The following ZFP36L1 variants were observed in gnomAD, a reference collection of about 807,000 sequenced individuals.
ZFP36L1 encodes the protein ZFP36 like 1 zinc finger CCCH-type.
A neutral mutation model predicts 16.7 loss-of-function variants in ZFP36L1; 4 were observed. That is an observed-to-expected ratio of 0.24 (90% CI 0.12 to 0.55). The LOEUF (loss-of-function observed/expected upper bound fraction) is 0.55, where lower values mean the gene tolerates loss of function less well. ZFP36L1 is among the 20% of genes least tolerant of loss of function. The probability of loss-of-function intolerance (pLI) is 0.94; values close to 1 mark genes in which losing one functional copy is unlikely to be tolerated. For missense variants in ZFP36L1, 311 were observed against 449.2 expected, an observed-to-expected ratio of 0.69 and a Z score of 2.78; for synonymous variants, 220 against 190.8, an observed-to-expected ratio of 1.15 and a Z score of -1.26.
At chr14:68,792,184 T>C (rs1337144718) in intron 1 of ZFP36L1, among the ~76,000 whole-genome samples, 6 of 146,034 alleles carry the variant, frequency 4.1e-5, no homozygotes, top group East Asian at 4.0e-4. Flanking sequence ...TGTCGCCACC[T>C]CCCCCCCCAA....
At position 68,789,896 on chromosome 14, in the gene ZFP36L1, C is replaced by T; in HGVS notation, c.654G>A (p.Gly218=). 2 of 1,610,062 alleles carry T rather than the reference C, an allele frequency of 1.2e-6. No homozygotes were observed. Among genetic ancestry groups the T allele is most frequent in the East Asian group, 2.2e-5 (1 of 44,862 alleles). Residue 218 remains glycine, a synonymous_variant, in exon 2 of 2, where the codon GGG becomes GGA. Coordinates refer to ENST00000439696, the MANE Select transcript of ZFP36L1 (RefSeq NM_004926.4). This position sits in a 1 kb window ranked among gnomAD's most constrained non-coding sequence, Gnocchi z 4.5. ...PSAAATAAAT[G]LLDSPTSITP... ...TGATGGACGTGGGGCTGTCCAGCAG[C>T]CCGGTGGCAGCGGCGGTGGCAGCGG...
Position 68,789,497 on chromosome 14 carries a change from G to A in ZFP36L1, c.*36C>T. On this transcript the variant is annotated 3_prime_UTR_variant, in exon 2 of 2. Coordinates refer to ENST00000439696, the MANE Select transcript of ZFP36L1 (RefSeq NM_004926.4). This position sits in a 1 kb window ranked among gnomAD's most constrained non-coding sequence, Gnocchi z 4.5. Reference sequence around the variant, plus strand: ...GTATGGGATGTGGGTGCAGGGTAGGGGCTGGAGTAGGCAGGAGGTCCCTCC... The same window carrying A: ...GTATGGGATGTGGGTGCAGGGTAGGAGCTGGAGTAGGCAGGAGGTCCCTCC... 1 of 1,611,896 alleles carries A rather than the reference G, an allele frequency of 6.2e-7. No individual in the cohort carries two copies. The highest frequency in any genetic ancestry group is 1.1e-5 in the South Asian group (1 of 90,870).
chr14:68,793,008 A>C lies in ZFP36L1; in HGVS notation c.-70T>G. The C allele has an allele frequency of 6.2e-7, 1 of 1,608,092 alleles. No individual in the cohort carries two copies. Among genetic ancestry groups the C allele is most frequent in the Non-Finnish European group, 8.5e-7 (1 of 1,178,750 alleles). ...GAAGGTCCCGGTGCGGGGAAGGCGC[A>C]GCCTCTCCTGTCTGGAGTCCCACAC... On this transcript the variant is annotated 5_prime_UTR_variant, in exon 1 of 2. Coordinates refer to ENST00000439696, the MANE Select transcript of ZFP36L1 (RefSeq NM_004926.4).
At position 68,788,654 on chromosome 14, in the gene ZFP36L1, A is replaced by C. The variant is rs1296932957; in HGVS notation, c.*879T>G. 2.0e-5 allele frequency: 3 copies of C among 151,506 alleles called. No individual in the cohort carries two copies. Among genetic ancestry groups the C allele is most frequent in the Non-Finnish European group, 4.4e-5 (3 of 67,902 alleles). 9.4% of individuals were successfully genotyped at this position (151,506 alleles called of 1,614,324 possible). On this transcript the variant is annotated 3_prime_UTR_variant, in exon 2 of 2. Coordinates refer to ENST00000439696, the MANE Select transcript of ZFP36L1 (RefSeq NM_004926.4). ...TTGTTATTTTTTTTAAAAAGATGTCACATATGAACTGGGGAACTTTAGCAC... is the reference window on the plus strand; with the variant it reads ...TTGTTATTTTTTTTAAAAAGATGTCCCATATGAACTGGGGAACTTTAGCAC...
At chr14:68,794,034 A>C, upstream of ZFP36L1, 2 of 718,048 alleles carry the variant, frequency 2.8e-6, no homozygotes, top group Non-Finnish European at 3.4e-6. Context: ...CTTTTTAGTC[A>C]AGAAAACCCT....
intron 1 of ZFP36L1, among the ~76,000 whole-genome samples, chr14:68,792,581 A>AAACTTGTCCCAATCCC: frequency 6.6e-6 from 1 of 152,068 alleles, no homozygotes; most frequent in African/African-American, 2.4e-5. Context: ...GGATCGCCCA[A>AAACTTGTCCCAATCCC]AACTTGTCCC....
chr14:68,789,398 G>C lies in ZFP36L1; in HGVS notation c.*135C>G. The C allele has an allele frequency of 7.4e-7, 1 of 1,343,588 alleles. No individual in the cohort carries two copies. Among genetic ancestry groups the C allele is most frequent in the Non-Finnish European group, 1.0e-6 (1 of 980,272 alleles). 83.2% of individuals were successfully genotyped at this position (1,343,588 alleles called of 1,614,324 possible). On this transcript the variant is annotated 3_prime_UTR_variant, in exon 2 of 2. Transcript: ENST00000439696. The surrounding 1 kb of genome is among the most constrained non-coding windows in gnomAD (Gnocchi z 4.5). The stretch of plus-strand genomic sequence containing the variant: ...GGAGAGGGAGGGCACATTCTGAGGT[G>C]CTGGGGGAAAGGGGTTGAGCTTAAC...
At chr14:68,794,337 A>G (rs1327355716), upstream of ZFP36L1, 1 of 152,234 alleles carries the variant, frequency 6.6e-6, no homozygotes, top group African/African-American at 2.4e-5. Flanking sequence ...AGAGGGGGAC[A>G]TGGGAGCCAC....
At chr14:68,791,803 T>A (rs1895078284) in intron 1 of ZFP36L1, among the ~76,000 whole-genome samples, 1 of 152,240 alleles carries the variant, frequency 6.6e-6, no homozygotes, top group African/African-American at 2.4e-5. Context: ...AATTCAAACT[T>A]TTTAAATGCT....
At chr14:68,793,761 T>G (rs571284333), upstream of ZFP36L1, 17 of 985,228 alleles carry the variant, frequency 1.7e-5, no homozygotes, top group Admixed American at 7.4e-4. Context: ...TATGTTGCTG[T>G]TTTTTTTCCA....
chr14:68,794,969 C>T (rs973437246), upstream of ZFP36L1, among the ~76,000 whole-genome samples: 7 of 152,234 alleles, frequency 4.6e-5, no homozygotes, highest in Non-Finnish European at 2.9e-5. Flanking sequence ...GCTTGTTCTG[C>T]TGCTGCCCTC....
At chr14:68,795,698 C>G, upstream of ZFP36L1, 2 of 490,068 alleles carry the variant, frequency 4.1e-6, no homozygotes, top group Non-Finnish European at 8.4e-6. Context: ...CGCTCGCTCC[C>G]GAGTTGTTTA....
chr14:68,789,483 G>A lies in ZFP36L1; in HGVS notation c.*50C>T, dbSNP rs1457777722. 1.9e-6 allele frequency: 3 copies of A among 1,610,046 alleles called. No individual in the cohort carries two copies. The highest frequency in any genetic ancestry group is 3.3e-5 in the Admixed American group (2 of 59,806). ...GTAGGGAGAAGAGGGTATGGGATGT[G>A]GGTGCAGGGTAGGGGCTGGAGTAGG... is the stretch of plus-strand genomic sequence containing the variant. On this transcript the variant is annotated 3_prime_UTR_variant, in exon 2 of 2. Coordinates refer to ENST00000439696, the MANE Select transcript of ZFP36L1 (RefSeq NM_004926.4). The surrounding 1 kb of genome is among the most constrained non-coding windows in gnomAD (Gnocchi z 4.5).
chr14:68,793,383 G>A, upstream of ZFP36L1: 1 of 1,004,640 alleles, frequency 1.0e-6, no homozygotes. Flanking sequence ...GGCGCTTCAG[G>A]CGCCCCCTCT....
upstream of ZFP36L1, among the ~76,000 whole-genome samples, chr14:68,795,181 G>A (rs1157289016): frequency 2.0e-5 from 3 of 152,234 alleles, no homozygotes; most frequent in African/African-American, 4.8e-5. Flanking sequence ...GTTTCTTGGT[G>A]ATGAGGTAAT....
Position 68,793,004 on chromosome 14 carries a change from G to T in ZFP36L1, c.-66C>A. 6.2e-7 allele frequency: 1 copy of T among 1,609,430 alleles called. No individual in the cohort carries two copies. The highest frequency in any genetic ancestry group is 1.1e-5 in the South Asian group (1 of 91,002). On this transcript the variant is annotated 5_prime_UTR_variant, in exon 1 of 2. Coordinates refer to ENST00000439696, the MANE Select transcript of ZFP36L1 (RefSeq NM_004926.4). ...TCGCGAAGGTCCCGGTGCGGGGAAGGCGCAGCCTCTCCTGTCTGGAGTCCC... is the reference window on the plus strand; with the variant it reads ...TCGCGAAGGTCCCGGTGCGGGGAAGTCGCAGCCTCTCCTGTCTGGAGTCCC...
rs779971299 is a variant in ZFP36L1, at chr14:68,793,045, G to C, written c.-107C>G. Reference sequence around the variant, plus strand: ...CTGGAGTCCCACACGCCAGTTCCCGGCGCCCCTCGCCTTTCTGACTCCGGG... The same window carrying C: ...CTGGAGTCCCACACGCCAGTTCCCGCCGCCCCTCGCCTTTCTGACTCCGGG... On this transcript the variant is annotated 5_prime_UTR_variant, in exon 1 of 2. Transcript: ENST00000439696. 1 of 1,597,288 alleles carries C rather than the reference G, an allele frequency of 6.3e-7. No homozygotes were observed. Among genetic ancestry groups the C allele is most frequent in the Non-Finnish European group, 8.5e-7 (1 of 1,175,340 alleles).
chr14:68,792,394 A>G (rs1314829162), intron 1 of ZFP36L1, among the ~76,000 whole-genome samples: 1 of 152,126 alleles, frequency 6.6e-6, no homozygotes, highest in Non-Finnish European at 1.5e-5. Flanking sequence ...TCTTCCTCGC[A>G]TATCCCCAGC....
chr14:68,792,166 C>G (rs1895093680), intron 1 of ZFP36L1, among the ~76,000 whole-genome samples: 1 of 152,084 alleles, frequency 6.6e-6, no homozygotes, highest in Admixed American at 6.5e-5. Flanking sequence ...GAGTTCAAGC[C>G]AGCATTTTGT....
Sources: gnomAD v4.1 joint callset for allele counts (sites outside exome capture counted in the v4.1 genomes callset) on GRCh38, gnomAD v4.1.1 for gene constraint, Gnocchi (gnomAD v3.1) non-coding constraint, MANE v1.5 for transcripts, NCBI Gene and HGNC (gene_info 2026-07-23, HGNC 2026-07-21) for gene names.